Variants in DISP3 observed in about 807,000 individuals in gnomAD.
The protein encoded by DISP3 is protein dispatched homolog 3.
DISP3 carries 101 observed loss-of-function variants against 135.3 expected under a neutral mutation model. The ratio of observed to expected loss-of-function variants is 0.75; its 90% confidence interval spans 0.64 to 0.88. DISP3 has a LOEUF of 0.88. Ranked by LOEUF, DISP3 falls within the 40% of genes least tolerant of loss-of-function variation. The pLI is 0.00. For missense variants in DISP3, 1,713 were observed against 1,878.6 expected, an observed-to-expected ratio of 0.91 and a Z score of 1.63; for synonymous variants, 856 against 817.0, an observed-to-expected ratio of 1.05 and a Z score of -0.81.
At chr1:11,527,128 T>C (rs1400890842) in intron 13 of DISP3, among the ~76,000 whole-genome samples, 2 of 151,994 alleles carry the variant, frequency 1.3e-5, no homozygotes, top group Non-Finnish European at 2.9e-5. Flanking sequence ...AGAGATGGGG[T>C]TTTGCCATGT....
Position 11,501,931 on chromosome 1 carries a change from G to T in DISP3, c.939G>T (p.Glu313Asp). 1 of 1,613,764 alleles carries T rather than the reference G, an allele frequency of 6.2e-7. No individual in the cohort carries two copies. The highest frequency in any genetic ancestry group is 8.5e-7 in the Non-Finnish European group (1 of 1,179,928). ...TCATGGACCACCCAGGCTTCCGGGA[G>T]TTCTGCTGGAAGCCCCACGAGGTGC... The part of the protein sequence containing the change: ...RKIMDHPGFR[E>D]FCWKPHEVLK... Residue 313 changes from glutamate (E) to aspartate (D), a missense_variant, in exon 2 of 21, where the codon GAG becomes GAT. Coordinates refer to ENST00000294484, the MANE Select transcript of DISP3 (RefSeq NM_020780.2). The surrounding 1 kb of genome is among the most constrained non-coding windows in gnomAD (Gnocchi z 4.9).
chr1:11,518,407 C>G (rs1336574619), intron 7 of DISP3, among the ~76,000 whole-genome samples: 3 of 152,222 alleles, frequency 2.0e-5, no homozygotes, highest in African/African-American at 7.2e-5. Flanking sequence ...TGTGGTGGTG[C>G]AGGTTGGCAC....
chr1:11,532,784 A>C (rs1001468695), intron 17 of DISP3, among the ~76,000 whole-genome samples: 60 of 151,420 alleles, frequency 4.0e-4, no homozygotes, highest in African/African-American at 1.3e-3. Flanking sequence ...TGCAACCTCC[A>C]CCTCCCGGGT....
rs569529178 is a variant in DISP3, at chr1:11,526,549, G to A, written c.2614-102G>A. 2.0e-5 allele frequency: 27 copies of A among 1,336,492 alleles called. No individual in the cohort carries two copies. The East Asian group carries it at 4.2e-4, about 21-fold the overall frequency. 82.8% of individuals were successfully genotyped at this position (1,336,492 alleles called of 1,614,324 possible). ...TCCCCAACTCCGAGGACTGGGACAGGGTGAACTATGCCGAGGAGGGAGGGG... is the reference window on the plus strand; with the variant it reads ...TCCCCAACTCCGAGGACTGGGACAGAGTGAACTATGCCGAGGAGGGAGGGG... On this transcript the variant is annotated intron_variant, in intron 12 of 20. Coordinates refer to ENST00000294484, the MANE Select transcript of DISP3 (RefSeq NM_020780.2).
intron 3 of DISP3, 54 bp downstream of exon 3, chr1:11,502,951 G>A (rs1299360542): frequency 1.4e-6 from 2 of 1,452,082 alleles, no homozygotes; most frequent in South Asian, 1.3e-5. Context: ...ATTTCCAATT[G>A]CCTCTTACTC....
chr1:11,514,256 AT>A, intron 3 of DISP3, 133 bp from the exon 4 acceptor site: 1 of 1,082,186 alleles, frequency 9.2e-7, no homozygotes. Context: ...CCCCCAGGTG[AT>A]TTTGATATCC....
chr1:11,523,803 C>T, intron 10 of DISP3, 139 bp from the exon 11 acceptor site: 1 of 611,802 alleles, frequency 1.6e-6, no homozygotes, highest in South Asian at 2.3e-5. Flanking sequence ...TTCTTTCTGA[C>T]CCCTGACACC....
At position 11,529,972 on chromosome 1, in the gene DISP3, C is replaced by T. The variant is rs146871496; in HGVS notation, c.3102+13C>T. The T allele has an allele frequency of 4.0e-5, 64 of 1,608,510 alleles. No individual in the cohort carries two copies. In the African/African-American group the frequency reaches 6.0e-4, roughly 15 times the overall value. ...CATTGGAGACCCGGTACGGGGCATG[C>T]GTCGGGCAGATGCCGAGGGCCCCAG... On this transcript the variant is annotated intron_variant, in intron 15 of 20. Coordinates refer to ENST00000294484, the MANE Select transcript of DISP3 (RefSeq NM_020780.2). The surrounding 1 kb of genome is among the most constrained non-coding windows in gnomAD (Gnocchi z 4.7).
chr1:11,518,078 G>C (rs1361625775), intron 7 of DISP3, among the ~76,000 whole-genome samples: 1 of 152,200 alleles, frequency 6.6e-6, no homozygotes, highest in African/African-American at 2.4e-5. Context: ...GTTCAGAGTT[G>C]CTGCTGGAGG....
At position 11,523,432 on chromosome 1, in the gene DISP3, G is replaced by A. The variant is rs939740763; in HGVS notation, c.2363-510G>A. 7.2e-5 allele frequency among the ~76,000 whole-genome samples: 11 copies of A among 151,982 alleles called. No homozygotes were observed. In the South Asian group the frequency reaches 1.0e-3, roughly 14 times the overall value. ...TCCACCCGACAGAGGCGGCAGAGTG[G>A]CACAGAGAGGGTGAGCACGGGGGCA... On this transcript the variant is annotated intron_variant, in intron 10 of 20. Coordinates refer to ENST00000294484, the MANE Select transcript of DISP3 (RefSeq NM_020780.2).
At position 11,502,107 on chromosome 1, in the gene DISP3, G is replaced by A; in HGVS notation, c.1096+19G>A. The stretch of plus-strand genomic sequence containing the variant: ...ATCCGGGGTGAGCCGCCGGGATGCT[G>A]GGAGGGGGCGTAGGTCCAGGTTTCA... On this transcript the variant is annotated intron_variant, in intron 2 of 20. Transcript: ENST00000294484. The A allele has an allele frequency of 1.3e-6, 2 of 1,535,366 alleles. No individual in the cohort carries two copies. Among genetic ancestry groups the A allele is most frequent in the Non-Finnish European group, 8.7e-7 (1 of 1,143,456 alleles).
At position 11,501,788 on chromosome 1, in the gene DISP3, A is replaced by G. The variant is rs1192917744; in HGVS notation, c.796A>G (p.Asn266Asp). Residue 266 changes from asparagine to aspartate, a missense_variant, in exon 2 of 21, where the codon AAC becomes GAC. By Grantham distance (23) the Asn-to-Asp change is conservative (BLOSUM62 1). Coordinates refer to ENST00000294484, the MANE Select transcript of DISP3 (RefSeq NM_020780.2). The surrounding 1 kb of genome is among the most constrained non-coding windows in gnomAD (Gnocchi z 4.9). ...WDYSRAYVSA[N>D]TQTHAHWRIE... is the part of the protein sequence containing the mutation. ...CTACTCGCGCGCCTATGTGAGTGCC[A>G]ACACTCAGACGCACGCGCACTGGCG... 1 of 1,601,086 alleles carries G rather than the reference A, an allele frequency of 6.2e-7. No homozygotes were observed. The highest frequency in any genetic ancestry group is 8.5e-7 in the Non-Finnish European group (1 of 1,172,396).
chr1:11,494,004 G>A (rs1641261349), intron 1 of DISP3, among the ~76,000 whole-genome samples: 1 of 152,168 alleles, frequency 6.6e-6, no homozygotes, highest in Non-Finnish European at 1.5e-5. Flanking sequence ...AAAGGCAATG[G>A]GTTTCTTCAA....
In DISP3 at chr1:11,520,297, C is replaced by T. The variant is rs921295533; in HGVS notation, c.2201-390C>T. Among the ~76,000 whole-genome samples, 1 of 152,156 alleles carries T rather than the reference C, an allele frequency of 6.6e-6. No individual in the cohort carries two copies. The highest frequency in any genetic ancestry group is 1.9e-4 in the East Asian group (1 of 5,196). On this transcript the variant is annotated intron_variant, in intron 9 of 20. Transcript: ENST00000294484. The surrounding 1 kb of genome is among the most constrained non-coding windows in gnomAD (Gnocchi z 4.8). ...AGTATGTATAAAGACCTCAGCCCAG[C>T]GCGTGGCGTGCGGTAAGTGCTCAGT...
chr1:11,506,431 TA>T (rs1176903817), intron 3 of DISP3, among the ~76,000 whole-genome samples: 2 of 152,152 alleles, frequency 1.3e-5, no homozygotes, highest in East Asian at 3.8e-4. Flanking sequence ...TTCTGGGTTT[TA>T]TTTTTTTATT....
chr1:11,529,568 C>T lies in DISP3; in HGVS notation c.2811C>T (p.Phe937=), dbSNP rs776634246. ...KEQQHTRKLY[F]AQSHKPPFHG... ...ATTCCCTCCACAGGAAGCTGTACTT[C>T]GCCCAGTCCCACAAGCCCCCCTTCC... Residue 937 remains phenylalanine (F), a synonymous_variant, in exon 14 of 21, where the codon TTC becomes TTT. Coordinates refer to ENST00000294484, the MANE Select transcript of DISP3 (RefSeq NM_020780.2). This position sits in a 1 kb window ranked among gnomAD's most constrained non-coding sequence, Gnocchi z 4.7. 20 of 1,566,552 alleles carry T rather than the reference C, an allele frequency of 1.3e-5. No homozygotes were observed. Among genetic ancestry groups the T allele is most frequent in the East Asian group, 9.0e-5 (4 of 44,270 alleles).
intron 1 of DISP3, among the ~76,000 whole-genome samples, chr1:11,479,860 C>T (rs1359630588): frequency 6.6e-6 from 1 of 152,046 alleles, no homozygotes; most frequent in East Asian, 1.9e-4. Flanking sequence ...CTCGTGCTCT[C>T]GGAGGGACAT....
intron 4 of DISP3, among the ~76,000 whole-genome samples, chr1:11,514,910 G>T (rs942016984): frequency 8.5e-5 from 13 of 152,136 alleles, no homozygotes; most frequent in African/African-American, 2.9e-4. Context: ...TCACCTCCGT[G>T]TGCCCCTGGA....
chr1:11,501,564 C>A lies in DISP3; in HGVS notation c.572C>A (p.Ala191Glu). 6.3e-7 allele frequency: 1 copy of A among 1,587,482 alleles called. No individual in the cohort carries two copies. Among genetic ancestry groups the A allele is most frequent in the Non-Finnish European group, 8.6e-7 (1 of 1,165,148 alleles). Reference protein sequence around the residue: ...GGPGPYRDTSAAQKPTANRSG... With the variant: ...GGPGPYRDTSEAQKPTANRSG... ...CCAGGCCCTTACCGGGACACTTCCGCGGCTCAAAAGCCCACAGCCAATCGG... is the reference window on the plus strand; with the variant it reads ...CCAGGCCCTTACCGGGACACTTCCGAGGCTCAAAAGCCCACAGCCAATCGG... The change falls in exon 2 of 21, where the codon GCG becomes GAG. Residue 191 changes from alanine (A) to glutamate (E), a missense_variant. Ala to Glu is a moderately radical substitution (Grantham distance 107). Coordinates refer to ENST00000294484, the MANE Select transcript of DISP3 (RefSeq NM_020780.2). This position sits in a 1 kb window ranked among gnomAD's most constrained non-coding sequence, Gnocchi z 4.9.
Sources: gnomAD v4.1 joint callset for allele counts (sites outside exome capture counted in the v4.1 genomes callset) on GRCh38, gnomAD v4.1.1 for gene constraint, Gnocchi (gnomAD v3.1) non-coding constraint, MANE v1.5 for transcripts, NCBI Gene and HGNC (gene_info 2026-07-23, HGNC 2026-07-21) for gene names.